NFYC: variants seen among roughly 807,000 people sequenced by gnomAD.
NFYC encodes the protein CAAT box DNA-binding protein subunit C.
In NFYC, 25 loss-of-function variants were observed where a neutral mutation model predicts 53.1. The observed-to-expected ratio is 0.47, with a 90% CI of 0.34 to 0.66. The LOEUF is 0.66. Among genes scored for constraint, NFYC ranks in the 30% least tolerant of loss-of-function variants. The probability of loss-of-function intolerance (pLI) is 0.01; values close to 1 mark genes in which losing one functional copy is unlikely to be tolerated. For synonymous variants in NFYC, 145 were observed against 152.6 expected (o/e 0.95, Z 0.37); for missense variants, 260 against 422.7 (o/e 0.62, Z 3.38).
chr1:40,737,127 CA>C (rs1161900883), intron 1 of NFYC, among the ~76,000 whole-genome samples: 8,750 of 88,712 alleles, frequency 0.099, 404 homozygotes, highest in African/African-American at 0.23. Flanking sequence ...AACTCTGTCT[CA>C]AAAAAAAAAA....
At chr1:40,700,088 A>G (rs61202601) in intron 1 of NFYC, among the ~76,000 whole-genome samples, 4,068 of 152,246 alleles carry the variant, frequency 0.027, 55 homozygotes, top group Middle Eastern at 0.034. Context: ...AAAATGAATC[A>G]TTTTGTATAA....
chr1:40,735,679 C>G, intron 1 of NFYC: 1 of 985,416 alleles, frequency 1.0e-6, no homozygotes, highest in South Asian at 4.7e-5. Context: ...GCATCTTTCT[C>G]CTTTGACCTT....
intron 1 of NFYC, among the ~76,000 whole-genome samples, chr1:40,728,317 C>T (rs938844300): frequency 2.6e-5 from 4 of 152,066 alleles, no homozygotes; most frequent in Non-Finnish European, 4.4e-5. Flanking sequence ...CTAATCTCGG[C>T]TGGGCGCGAT....
intron 1 of NFYC, among the ~76,000 whole-genome samples, chr1:40,717,629 C>T (rs1414510507): frequency 2.0e-5 from 3 of 152,134 alleles, no homozygotes; most frequent in Non-Finnish European, 4.4e-5. Flanking sequence ...GAAATACTTC[C>T]TTAGAATCTG....
In NFYC at chr1:40,758,113, C is replaced by T. The variant is rs751452315; in HGVS notation, c.388-8C>T. 68 of 1,611,682 alleles carry T rather than the reference C, an allele frequency of 4.2e-5. No homozygotes were observed. The highest frequency in any genetic ancestry group is 4.9e-5 in the Non-Finnish European group (58 of 1,179,812). On this transcript the variant is annotated splice_polypyrimidine_tract_variant and splice_region_variant and intron_variant, in intron 5 of 9. Transcript: ENST00000447388. ...TTCCTCTTACCTGCCTCTCTTTCCA[C>T]CCAACAGGAGGAGGTGCGCCAGTCT...
intron 1 of NFYC, among the ~76,000 whole-genome samples, chr1:40,724,336 C>T (rs1282360484): frequency 6.6e-6 from 1 of 152,066 alleles, no homozygotes; most frequent in Admixed American, 6.6e-5. Flanking sequence ...CCATTGTACT[C>T]CAGCCTGGAT....
At chr1:40,703,337 T>A (rs968152488) in intron 1 of NFYC, among the ~76,000 whole-genome samples, 2 of 150,182 alleles carry the variant, frequency 1.3e-5, no homozygotes, top group Non-Finnish European at 3.0e-5. Context: ...AAAAAAAAAT[T>A]AAAAATTAGC....
At chr1:40,763,112 C>T (rs1480221954) in intron 7 of NFYC, 66 bp downstream of exon 7, 31 of 1,336,316 alleles carry the variant, frequency 2.3e-5, no homozygotes, top group Non-Finnish European at 3.0e-5. Context: ...ATATATATAC[C>T]TTGATATATA....
chr1:40,740,737 C>T (rs1409788264), intron 2 of NFYC, among the ~76,000 whole-genome samples: 1 of 152,116 alleles, frequency 6.6e-6, no homozygotes, highest in Non-Finnish European at 1.5e-5. Flanking sequence ...AGCTTATCAG[C>T]TTTTGGTGCT....
chr1:40,752,955 T>C (rs1645997291), intron 4 of NFYC, among the ~76,000 whole-genome samples, 196 bp from the exon 5 acceptor site: 1 of 152,112 alleles, frequency 6.6e-6, no homozygotes, highest in South Asian at 2.1e-4. Flanking sequence ...TGTATCTCTT[T>C]CTTTTTTGTT....
intron 1 of NFYC, among the ~76,000 whole-genome samples, chr1:40,700,075 A>T (rs1643356119): frequency 6.6e-6 from 1 of 152,162 alleles, no homozygotes; most frequent in Admixed American, 6.5e-5. Context: ...GTCTATGAAT[A>T]AAAAAATGAA....
Position 40,770,338 on chromosome 1 carries a change from G to C in NFYC, c.889-371G>C. The C allele has an allele frequency of 6.8e-7, 1 of 1,477,408 alleles. No individual in the cohort carries two copies. Among genetic ancestry groups the C allele is most frequent in the Non-Finnish European group, 9.1e-7 (1 of 1,096,494 alleles). 91.5% of individuals were successfully genotyped at this position (1,477,408 alleles called of 1,614,324 possible). A position where few individuals can be genotyped will look rare whatever the true frequency, so the allele number is the denominator to read the frequency against. ...GCCAGTGTAGATTACCAAGAGTTGG[G>C]GAAATGCTGACTTCCAAGCTGCTGG... On this transcript the variant is annotated intron_variant, in intron 9 of 9. Transcript: ENST00000447388. This position sits in a 1 kb window ranked among gnomAD's most constrained non-coding sequence, Gnocchi z 5.3.
chr1:40,707,715 T>C (rs1643771762), intron 1 of NFYC, among the ~76,000 whole-genome samples: 1 of 151,244 alleles, frequency 6.6e-6, no homozygotes, highest in Non-Finnish European at 1.5e-5. Flanking sequence ...AGCACACACC[T>C]GTAGTCCTAG....
rs748172702 is a variant in NFYC, at chr1:40,749,625, TCA to T, written c.233_234del (p.Thr78ArgfsTer13). 1.2e-6 allele frequency: 2 copies of T among 1,614,152 alleles called. No homozygotes were observed. Among genetic ancestry groups the T allele is most frequent in the Non-Finnish European group, 1.7e-6 (2 of 1,180,004 alleles). ...TTTGCCAAGGCAGCCCAGATTTTTA[TCA>T]CAGAGTTGACTCTTCGAGCCTGGAT... On this transcript the variant is annotated frameshift_variant, in exon 4 of 10. Coordinates refer to ENST00000447388, the MANE Select transcript of NFYC (RefSeq NM_014223.5). LOFTEE classifies it high-confidence loss of function.
At chr1:40,709,000 G>A (rs1643851383) in intron 1 of NFYC, among the ~76,000 whole-genome samples, 3 of 152,114 alleles carry the variant, frequency 2.0e-5, no homozygotes, top group African/African-American at 7.2e-5. Flanking sequence ...AAATCCCGTG[G>A]GTGGGAACAC....
intron 8 of NFYC, 119 bp downstream of exon 8, chr1:40,766,822 C>T: frequency 4.7e-6 from 7 of 1,476,052 alleles, no homozygotes; most frequent in East Asian, 2.4e-5. Context: ...AGAAGCACCA[C>T]CCCCACACCC....
At chr1:40,754,817 C>T (rs1221352758) in intron 5 of NFYC, among the ~76,000 whole-genome samples, 2 of 151,850 alleles carry the variant, frequency 1.3e-5, no homozygotes, top group African/African-American at 4.9e-5. Flanking sequence ...CTCGGGGTGT[C>T]ATACAGCTCC....
chr1:40,760,086 G>C (rs1646462714), intron 6 of NFYC, among the ~76,000 whole-genome samples: 1 of 152,194 alleles, frequency 6.6e-6, no homozygotes, highest in East Asian at 1.9e-4. Context: ...CTCCCGAGGA[G>C]CTGGGACTCC....
chr1:40,759,617 T>C (rs1646433659), intron 6 of NFYC, among the ~76,000 whole-genome samples: 1 of 151,780 alleles, frequency 6.6e-6, no homozygotes, highest in African/African-American at 2.4e-5. Flanking sequence ...TATATGTATA[T>C]GTGTGTGTAT....
Sources: allele counts gnomAD v4.1 joint callset (sites outside exome capture counted in the v4.1 genomes callset), GRCh38; gene constraint gnomAD v4.1.1; non-coding constraint Gnocchi (gnomAD v3.1); transcripts MANE v1.5; gene names NCBI Gene and HGNC (gene_info 2026-07-23, HGNC 2026-07-21).